MARCHF5: variants seen among roughly 807,000 people sequenced by gnomAD.
MARCHF5 encodes the protein E3 ubiquitin-protein ligase MARCHF5.
MARCHF5 carries 5 observed loss-of-function variants against 36.5 expected under a neutral mutation model. That is an observed-to-expected ratio of 0.14 (90% CI 0.07 to 0.29). MARCHF5 has a LOEUF of 0.29. MARCHF5 is among the 10% of genes least tolerant of loss of function. The pLI, the probability that MARCHF5 is intolerant of heterozygous loss-of-function variation, is 1.00. For synonymous variants in MARCHF5, 103 were observed against 109.9 expected, an observed-to-expected ratio of 0.94 and a Z score of 0.39; for missense variants, 179 against 336.3, an observed-to-expected ratio of 0.53 and a Z score of 3.66.
At chr10:92,295,119 T>C (rs1051233792) in intron 1 of MARCHF5, among the ~76,000 whole-genome samples, 2 of 152,176 alleles carry the variant, frequency 1.3e-5, no homozygotes, top group African/African-American at 4.8e-5. Context: ...TGTCTTCATA[T>C]GCCCAGTACT....
chr10:92,317,752 C>CTTTT (rs61127922), intron 2 of MARCHF5, among the ~76,000 whole-genome samples: 1 of 135,142 alleles, frequency 7.4e-6, no homozygotes, highest in African/African-American at 2.7e-5. Context: ...AATCTGAATG[C>CTTTT]TTTTTTTTTT....
chr10:92,347,134 A>G (rs1012263801), intron 3 of MARCHF5, among the ~76,000 whole-genome samples: 4 of 151,970 alleles, frequency 2.6e-5, no homozygotes, highest in Non-Finnish European at 4.4e-5. Flanking sequence ...GCTTGAGCCC[A>G]GGAGTACAAA....
chr10:92,318,789 A>G (rs1004924179), intron 2 of MARCHF5, among the ~76,000 whole-genome samples: 15 of 151,394 alleles, frequency 9.9e-5, no homozygotes, highest in African/African-American at 3.4e-4. Flanking sequence ...ACCTCTGCCT[A>G]CTGCAGAGGT....
intron 2 of MARCHF5, among the ~76,000 whole-genome samples, chr10:92,330,348 G>A (rs1302021191): frequency 6.6e-6 from 1 of 152,172 alleles, no homozygotes; most frequent in Non-Finnish European, 1.5e-5. Context: ...AAAAGTAGCT[G>A]AATTACAGGT....
At chr10:92,317,721 T>C (rs1170857978) in intron 2 of MARCHF5, among the ~76,000 whole-genome samples, 2 of 151,990 alleles carry the variant, frequency 1.3e-5, no homozygotes, top group Admixed American at 6.6e-5. Flanking sequence ...TGAACAGAAA[T>C]AGTTTTACTT....
intron 2 of MARCHF5, among the ~76,000 whole-genome samples, chr10:92,321,436 G>A (rs1843287696): frequency 6.6e-6 from 1 of 152,008 alleles, no homozygotes; most frequent in South Asian, 2.1e-4. Flanking sequence ...ACTCGCCTGG[G>A]GTTCCTGGGA....
At chr10:92,297,692 T>G (rs927650717) in intron 1 of MARCHF5, among the ~76,000 whole-genome samples, 2 of 151,362 alleles carry the variant, frequency 1.3e-5, no homozygotes, top group East Asian at 3.9e-4. Context: ...AGGGTTTCAC[T>G]GTGTTGGCCA....
At chr10:92,314,757 C>CCCCCCCCCG (rs1564946327) in intron 2 of MARCHF5, among the ~76,000 whole-genome samples, 3 of 122,336 alleles carry the variant, frequency 2.5e-5, no homozygotes, top group Admixed American at 8.4e-5. Flanking sequence ...CGCCCCCCCC[C>CCCCCCCCCG]GCCAATAGAG....
rs947972546 is a variant in MARCHF5, at chr10:92,329,626, A to G, written c.239-11047A>G. On this transcript the variant is annotated intron_variant, in intron 2 of 5. Transcript: ENST00000358935. Reference sequence around the variant, plus strand: ...ATCATTGGTTTATTTCACTACCTAAAAAACAAATATGGACTTAAGAACTCA... The same window carrying G: ...ATCATTGGTTTATTTCACTACCTAAGAAACAAATATGGACTTAAGAACTCA... 3.3e-4 allele frequency among the ~76,000 whole-genome samples: 50 copies of G among 152,316 alleles called. 1 individual carries two copies. The highest frequency in any genetic ancestry group is 1.2e-3 in the African/African-American group (48 of 41,562).
Position 92,351,643 on chromosome 10 carries a change from TACTA to T in MARCHF5, c.*438_*441del, listed in dbSNP as rs954400256. ...TTCTCACTGACATAATTTGATTACA[TACTA>T]AATAAGAGGATATGTTAATATGAGG... On this transcript the variant is annotated 3_prime_UTR_variant, in exon 6 of 6. Coordinates refer to ENST00000358935, the MANE Select transcript of MARCHF5 (RefSeq NM_017824.5). The T allele has an allele frequency of 2.0e-5, 3 of 152,988 alleles. No homozygotes were observed. The highest frequency in any genetic ancestry group is 4.4e-5 in the Non-Finnish European group (3 of 68,306). The allele number at this position is 152,988 out of a possible 1,614,324, so 9.5% of individuals were successfully genotyped here.
At chr10:92,322,015 C>T (rs943603626) in intron 2 of MARCHF5, among the ~76,000 whole-genome samples, 2 of 151,518 alleles carry the variant, frequency 1.3e-5, no homozygotes, top group Admixed American at 6.6e-5. Context: ...GAGGCCGAGG[C>T]GGGCGGATCA....
intron 1 of MARCHF5, among the ~76,000 whole-genome samples, chr10:92,296,401 T>A (rs1842949052): frequency 6.6e-6 from 1 of 152,198 alleles, no homozygotes; most frequent in Non-Finnish European, 1.5e-5. Flanking sequence ...GAACCTTAGT[T>A]AGCTCTTCTG....
chr10:92,343,624 C>T (rs1843606465), intron 3 of MARCHF5, among the ~76,000 whole-genome samples: 1 of 152,162 alleles, frequency 6.6e-6, no homozygotes, highest in Admixed American at 6.5e-5. Context: ...GGCTGGAGTA[C>T]GGTGGCGTGA....
chr10:92,296,472 C>T (rs555489599), intron 1 of MARCHF5, among the ~76,000 whole-genome samples: 5 of 152,124 alleles, frequency 3.3e-5, no homozygotes, highest in Admixed American at 6.5e-5. Context: ...CTTTGACCAC[C>T]GACATTCTCA....
chr10:92,316,236 G>A (rs112231559), intron 2 of MARCHF5, among the ~76,000 whole-genome samples: 3 of 152,186 alleles, frequency 2.0e-5, no homozygotes, highest in African/African-American at 7.2e-5. Context: ...ATCTTTTCTG[G>A]TACTTAGTCA....
At chr10:92,319,071 G>A (rs956416959) in intron 2 of MARCHF5, among the ~76,000 whole-genome samples, 1 of 152,194 alleles carries the variant, frequency 6.6e-6, no homozygotes, top group Non-Finnish European at 1.5e-5. Context: ...AACAACCACA[G>A]TGGTGGTCCC....
intron 2 of MARCHF5, among the ~76,000 whole-genome samples, chr10:92,324,435 C>T (rs1474947716): frequency 6.6e-6 from 1 of 152,150 alleles, no homozygotes; most frequent in African/African-American, 2.4e-5. Flanking sequence ...AGTCTTGGCT[C>T]ACTGCAAGCT....
chr10:92,302,577 T>TG (rs1843029627), intron 1 of MARCHF5, among the ~76,000 whole-genome samples: 1 of 152,072 alleles, frequency 6.6e-6, no homozygotes, highest in Non-Finnish European at 1.5e-5. Flanking sequence ...CCTGAGTAGC[T>TG]GGGATTACAG....
chr10:92,295,709 G>T (rs1278506028), intron 1 of MARCHF5, among the ~76,000 whole-genome samples: 1 of 151,190 alleles, frequency 6.6e-6, no homozygotes, highest in Non-Finnish European at 1.5e-5. Context: ...TGCCTGGCCT[G>T]TGGCAACTTC....
Sources: gnomAD v4.1 joint callset for allele counts (sites outside exome capture counted in the v4.1 genomes callset) on GRCh38, gnomAD v4.1.1 for gene constraint, MANE v1.5 for transcripts, NCBI Gene and HGNC (gene_info 2026-07-23, HGNC 2026-07-21) for gene names.